PARL: variants seen among roughly 807,000 people sequenced by gnomAD.
The protein encoded by PARL is presenilin-associated rhomboid-like protein, mitochondrial.
PARL carries 44 observed loss-of-function variants against 51.6 expected under a neutral mutation model. The ratio of observed to expected loss-of-function variants is 0.85; its 90% confidence interval spans 0.67 to 1.10. The LOEUF is 1.10. Ranked by LOEUF, PARL falls within the 50% of genes least tolerant of loss-of-function variation. The pLI, the probability that PARL is intolerant of heterozygous loss-of-function variation, is 0.00. For synonymous variants in PARL, 172 were observed against 164.0 expected (o/e 1.05, Z -0.37); for missense variants, 441 against 469.5 (o/e 0.94, Z 0.56).
At chr3:183,833,199 G>A (rs997140476) in intron 9 of PARL, among the ~76,000 whole-genome samples, 1 of 152,154 alleles carries the variant, frequency 6.6e-6, no homozygotes, top group African/African-American at 2.4e-5. Flanking sequence ...TAGACTGGGG[G>A]CCAGGCTGCA....
rs530120713 is a variant in PARL, at chr3:183,831,676, A to C, written c.1028+1816T>G. Among the ~76,000 whole-genome samples, 50 of 152,336 alleles carry C rather than the reference A, an allele frequency of 3.3e-4. 1 individual carries two copies. In the South Asian group the frequency reaches 9.5e-3, roughly 29 times the overall value. ...ATACTGTAAGGTTTGGTCAGAGGCA[A>C]AGTCAGGGAAATGTATAAGTGGATA... On this transcript the variant is annotated intron_variant, in intron 9 of 9. Coordinates refer to ENST00000317096, the MANE Select transcript of PARL (RefSeq NM_018622.7).
At chr3:183,876,617 AAAAAAAAAAAAAAAAAAAAAAG>A (rs1173950619) in intron 1 of PARL, among the ~76,000 whole-genome samples, 2 of 41,144 alleles carry the variant, frequency 4.9e-5, no homozygotes, top group Non-Finnish European at 1.1e-4. Context: ...TTGTAAAAAA[AAAAAAAAAAAAAAAAAAAAAAG>A]AAAAAGAAAA....
At chr3:183,837,088 T>G (rs940550857) in intron 7 of PARL, among the ~76,000 whole-genome samples, 2 of 152,224 alleles carry the variant, frequency 1.3e-5, no homozygotes, top group East Asian at 3.8e-4. Context: ...CTATCATACT[T>G]ATGTTTTTTA....
intron 4 of PARL, among the ~76,000 whole-genome samples, chr3:183,862,267 G>A (rs1047645101): frequency 6.6e-6 from 1 of 152,284 alleles, no homozygotes; most frequent in Non-Finnish European, 1.5e-5. Flanking sequence ...ACTGGTTTTC[G>A]AATGGACAGA....
intron 6 of PARL, among the ~76,000 whole-genome samples, chr3:183,841,486 T>C (rs1729308260): frequency 6.6e-6 from 1 of 152,196 alleles, no homozygotes; most frequent in African/African-American, 2.4e-5. Context: ...GGTTTAGTCA[T>C]TTTTGCAACA....
chr3:183,863,231 T>A (rs973674549), intron 3 of PARL, among the ~76,000 whole-genome samples: 2 of 152,124 alleles, frequency 1.3e-5, no homozygotes, highest in African/African-American at 4.8e-5. Context: ...TGCACTTTTT[T>A]AAAGATATAG....
At chr3:183,883,209 C>T (rs1352300492) in intron 1 of PARL, among the ~76,000 whole-genome samples, 1 of 152,180 alleles carries the variant, frequency 6.6e-6, no homozygotes, top group Non-Finnish European at 1.5e-5. Flanking sequence ...AAAACCAATA[C>T]GGTGATGTGT....
chr3:183,870,909 A>G (rs1361631122), intron 1 of PARL, among the ~76,000 whole-genome samples: 1 of 152,036 alleles, frequency 6.6e-6, no homozygotes, highest in Non-Finnish European at 1.5e-5. Flanking sequence ...TTCAGTTAAT[A>G]TATCTCCTCC....
At chr3:183,855,999 A>T (rs929565971) in intron 4 of PARL, among the ~76,000 whole-genome samples, 1 of 151,644 alleles carries the variant, frequency 6.6e-6, no homozygotes, top group African/African-American at 2.4e-5. Flanking sequence ...AAACCCCACA[A>T]ACAAAGTTTC....
chr3:183,873,285 C>A (rs1733422499), intron 1 of PARL, among the ~76,000 whole-genome samples: 4 of 152,178 alleles, frequency 2.6e-5, no homozygotes, highest in African/African-American at 7.2e-5. Context: ...GTGGGAGGAT[C>A]ACCTGAGGTC....
chr3:183,870,368 AT>A (rs1254258505), intron 1 of PARL, among the ~76,000 whole-genome samples: 1 of 151,066 alleles, frequency 6.6e-6, no homozygotes, highest in Non-Finnish European at 1.5e-5. Context: ...TACTTTTAAA[AT>A]TCCTAGTCTA....
chr3:183,868,020 C>G lies in PARL; in HGVS notation c.166G>C (p.Ala56Pro). The change falls in exon 2 of 10, where the codon GCA becomes CCA. Residue 56 changes from alanine to proline, a missense_variant. By Grantham distance (27) the Ala-to-Pro change is conservative. Coordinates refer to ENST00000317096, the MANE Select transcript of PARL (RefSeq NM_018622.7). ...FIQQKCGFRK[A>P]PRKVEPRRSD... ...CTTCGAGGTTCAACCTTCCTGGGTG[C>G]TTTTCTGAATCCGCATTTTTGTTGA... is the stretch of plus-strand genomic sequence containing the variant. 6.2e-7 allele frequency: 1 copy of G among 1,614,198 alleles called. No homozygotes were observed. Among genetic ancestry groups the G allele is most frequent in the African/African-American group, 1.3e-5 (1 of 75,058 alleles).
At chr3:183,827,262 G>A (rs1463960359), downstream of PARL, among the ~76,000 whole-genome samples, 3 of 152,014 alleles carry the variant, frequency 2.0e-5, no homozygotes, top group Non-Finnish European at 4.4e-5. Flanking sequence ...GAACTGCCTG[G>A]GCAACACAGT....
intron 1 of PARL, among the ~76,000 whole-genome samples, chr3:183,871,241 T>C (rs538245564): frequency 1.2e-4 from 18 of 152,092 alleles, no homozygotes; most frequent in Admixed American, 9.8e-4. Flanking sequence ...GGTACTATTC[T>C]CAAAGTAAGG....
At chr3:183,879,508 G>C (rs1303855561) in intron 1 of PARL, among the ~76,000 whole-genome samples, 1 of 152,194 alleles carries the variant, frequency 6.6e-6, no homozygotes, top group Non-Finnish European at 1.5e-5. Flanking sequence ...ATGGTGTCTG[G>C]TGACAATTTG....
At chr3:183,846,567 G>C in intron 4 of PARL, 1 of 985,022 alleles carries the variant, frequency 1.0e-6, no homozygotes, top group East Asian at 1.1e-4. Flanking sequence ...ACACTGCTAA[G>C]TTTTCAATCC....
In PARL at chr3:183,829,480, G is replaced by A. The variant is rs1727660356; in HGVS notation, c.*118C>T. Reference sequence around the variant, plus strand: ...ACTGGGGGACACAGCTGAAAACAGTGGGAGGCCAGATGCTGGCATCTTCCA... The same window carrying A: ...ACTGGGGGACACAGCTGAAAACAGTAGGAGGCCAGATGCTGGCATCTTCCA... On this transcript the variant is annotated 3_prime_UTR_variant, in exon 10 of 10. Coordinates refer to ENST00000317096, the MANE Select transcript of PARL (RefSeq NM_018622.7). 1.7e-5 allele frequency: 28 copies of A among 1,609,422 alleles called. No homozygotes were observed. The South Asian group carries it at 2.9e-4, about 17-fold the overall frequency.
intron 7 of PARL, among the ~76,000 whole-genome samples, chr3:183,838,275 GCCGTGGCT>G (rs1191626443): frequency 6.6e-6 from 1 of 152,100 alleles, no homozygotes; most frequent in Non-Finnish European, 1.5e-5. Flanking sequence ...TGATCTTCCT[GCCGTGGCT>G]CCCAAAGTGT....
chr3:183,843,882 T>C (rs1413664949), intron 5 of PARL, among the ~76,000 whole-genome samples: 2 of 145,040 alleles, frequency 1.4e-5, no homozygotes, highest in Admixed American at 1.4e-4. Context: ...CTATTAAAAA[T>C]ACAAAAACTA....
Sources: allele counts gnomAD v4.1 joint callset (sites outside exome capture counted in the v4.1 genomes callset), GRCh38; gene constraint gnomAD v4.1.1; transcripts MANE v1.5; gene names NCBI Gene and HGNC (gene_info 2026-07-23, HGNC 2026-07-21).